The following CD226 variants were observed in gnomAD, a reference collection of about 807,000 sequenced individuals.
CD226 encodes CD226 antigen.
A neutral mutation model predicts 34.9 loss-of-function variants in CD226; 24 were observed. The ratio of observed to expected loss-of-function variants is 0.69; its 90% CI spans 0.50 to 0.97. The LOEUF is 0.97. Among genes scored for constraint, CD226 ranks in the 50% least tolerant of loss-of-function variants. CD226 has a pLI of 0.00. For synonymous variants in CD226, 148 were observed against 147.4 expected, an observed-to-expected ratio of 1.00 and a Z score of -0.03; for missense variants, 397 against 412.7, an observed-to-expected ratio of 0.96 and a Z score of 0.33.
intron 2 of CD226, among the ~76,000 whole-genome samples, chr18:69,922,873 T>G (rs1280827028): frequency 6.6e-6 from 1 of 152,152 alleles, no homozygotes; most frequent in Non-Finnish European, 1.5e-5. Context: ...GCTCATGCCT[T>G]GTACTCCCAG....
At chr18:69,952,067 A>G (rs2055858890), upstream of CD226, among the ~76,000 whole-genome samples, 1 of 152,220 alleles carries the variant, frequency 6.6e-6, no homozygotes, top group Non-Finnish European at 1.5e-5. Context: ...ACTGTGGTAT[A>G]TATCCACAAT....
At chr18:69,900,384 A>G (rs2145257466) in intron 2 of CD226, among the ~76,000 whole-genome samples, 1 of 152,324 alleles carries the variant, frequency 6.6e-6, no homozygotes, top group African/African-American at 2.4e-5. Context: ...CCTGTGACAC[A>G]TATTTACCTA....
chr18:69,872,242 A>G (rs1191089600), intron 4 of CD226, among the ~76,000 whole-genome samples: 1 of 152,166 alleles, frequency 6.6e-6, no homozygotes, highest in Non-Finnish European at 1.5e-5. Context: ...ATAACACTTT[A>G]GCTGTAATAC....
chr18:69,896,658 A>G (rs2145248556), intron 2 of CD226, among the ~76,000 whole-genome samples: 1 of 152,340 alleles, frequency 6.6e-6, no homozygotes. Flanking sequence ...TCTTGGTATC[A>G]TATCAAGAGG....
At chr18:69,958,917 A>G (rs1019023574), upstream of CD226, among the ~76,000 whole-genome samples, 3 of 152,058 alleles carry the variant, frequency 2.0e-5, no homozygotes, top group African/African-American at 7.3e-5. Flanking sequence ...AGGGAGGCAC[A>G]ATGGAGATAC....
In CD226 at chr18:69,860,642, G is replaced by A. The variant is rs950289036; in HGVS notation, c.*3672C>T. ...TTTAGTTTTCAGATACATGTTTTAA[G>A]AGCCCAGAGTCTTGGCTGGAAGAAC... On this transcript the variant is annotated 3_prime_UTR_variant, in exon 6 of 6. Coordinates refer to ENST00000582621, the MANE Select transcript of CD226 (RefSeq NM_001303618.2). The A allele has an allele frequency of 2.6e-5, 4 of 152,100 alleles. No homozygotes were observed. Among genetic ancestry groups the A allele is most frequent in the African/African-American group, 7.2e-5 (3 of 41,434 alleles). 9.4% of individuals were successfully genotyped at this position (152,100 alleles called of 1,614,324 possible). A position where few individuals can be genotyped will look rare whatever the true frequency, so the allele number is the denominator to read the frequency against.
chr18:69,927,333 T>C (rs1008987520), intron 2 of CD226, among the ~76,000 whole-genome samples: 1 of 151,196 alleles, frequency 6.6e-6, no homozygotes, highest in African/African-American at 2.4e-5. Flanking sequence ...TAAGGTACTT[T>C]GTTATAGCAG....
intron 5 of CD226, among the ~76,000 whole-genome samples, chr18:69,865,063 G>A (rs1477095535): frequency 2.0e-5 from 3 of 152,110 alleles, no homozygotes; most frequent in Non-Finnish European, 4.4e-5. Flanking sequence ...CGCAATCTAG[G>A]CTCACTGCAA....
intron 4 of CD226, among the ~76,000 whole-genome samples, chr18:69,870,577 A>G (rs1030230760): frequency 6.6e-6 from 1 of 152,034 alleles, no homozygotes; most frequent in Non-Finnish European, 1.5e-5. Context: ...GCCTGGCCAT[A>G]TTTTGGCTCC....
At chr18:69,931,041 T>C (rs1422307573) in intron 2 of CD226, among the ~76,000 whole-genome samples, 1 of 152,172 alleles carries the variant, frequency 6.6e-6, no homozygotes, top group Admixed American at 6.5e-5. Flanking sequence ...CACCATGGAA[T>C]ACTATGCAGC....
upstream of CD226, among the ~76,000 whole-genome samples, chr18:69,957,341 CTAGA>C (rs1473922925): frequency 1.6e-5 from 2 of 123,988 alleles, no homozygotes; most frequent in Non-Finnish European, 3.6e-5. Context: ...GTCTTACTTT[CTAGA>C]TACTCTTTTT....
chr18:69,909,311 C>T (rs921334465), intron 2 of CD226, among the ~76,000 whole-genome samples: 1 of 152,142 alleles, frequency 6.6e-6, no homozygotes, highest in Non-Finnish European at 1.5e-5. Flanking sequence ...CCAGTCCAGG[C>T]CCTACATGAG....
At chr18:69,874,948 T>G (rs1343005891) in intron 3 of CD226, among the ~76,000 whole-genome samples, 1 of 152,194 alleles carries the variant, frequency 6.6e-6, no homozygotes, top group Admixed American at 6.5e-5. Context: ...ACATTGTGTC[T>G]ATGTACCACA....
intron 2 of CD226, among the ~76,000 whole-genome samples, chr18:69,930,363 G>A (rs2145330825): frequency 6.6e-6 from 1 of 152,278 alleles, no homozygotes; most frequent in East Asian, 1.9e-4. Context: ...GAAAGACTGG[G>A]AGCAGGACAG....
chr18:69,872,021 C>G (rs1983552867), intron 4 of CD226, among the ~76,000 whole-genome samples: 1 of 148,642 alleles, frequency 6.7e-6, no homozygotes, highest in African/African-American at 2.5e-5. Context: ...GATGAAGAGA[C>G]AAGATGGAGA....
upstream of CD226, among the ~76,000 whole-genome samples, chr18:69,952,553 G>T: frequency 6.6e-6 from 1 of 152,182 alleles, no homozygotes; most frequent in East Asian, 1.9e-4. Context: ...ATAGCCACAT[G>T]CAAAAGCATG....
At chr18:69,889,203 T>C (rs1984739490) in intron 3 of CD226, among the ~76,000 whole-genome samples, 1 of 151,808 alleles carries the variant, frequency 6.6e-6, no homozygotes, top group African/African-American at 2.4e-5. Context: ...CTGAAAATTG[T>C]GGTTGATCTG....
At chr18:69,881,526 A>G (rs1984260364) in intron 3 of CD226, among the ~76,000 whole-genome samples, 1 of 152,226 alleles carries the variant, frequency 6.6e-6, no homozygotes, top group African/African-American at 2.4e-5. Context: ...AAGGGTAGCT[A>G]TGAGATTTAA....
chr18:69,880,321 A>T (rs1309222156), intron 3 of CD226, among the ~76,000 whole-genome samples: 1 of 105,300 alleles, frequency 9.5e-6, no homozygotes, highest in Non-Finnish European at 1.9e-5. Context: ...AAAGAAAGAA[A>T]AAGAAAGAGA....
Sources: gnomAD v4.1 joint callset for allele counts (sites outside exome capture counted in the v4.1 genomes callset) on GRCh38, gnomAD v4.1.1 for gene constraint, MANE v1.5 for transcripts, NCBI Gene and HGNC (gene_info 2026-07-23, HGNC 2026-07-21) for gene names.